EDAR: variants seen among roughly 807,000 people sequenced by gnomAD.
EDAR encodes the protein ectodysplasin A receptor, also known as tumor necrosis factor receptor superfamily member EDAR.
Under a neutral mutation model 51.3 loss-of-function variants are expected in EDAR, and 38 were observed. The observed-to-expected ratio is 0.74, with a 90% confidence interval of 0.57 to 0.97. The LOEUF (loss-of-function observed/expected upper bound fraction) is 0.97, where lower values mean the gene tolerates loss of function less well. EDAR is among the 50% of genes least tolerant of loss of function. EDAR has a pLI of 0.00. For synonymous variants in EDAR, 227 were observed against 242.1 expected (o/e 0.94, Z 0.58); for missense variants, 528 against 595.0 (o/e 0.89, Z 1.17).
At chr2:108,981,220 G>A (rs1169357851) in intron 1 of EDAR, among the ~76,000 whole-genome samples, 3 of 152,178 alleles carry the variant, frequency 2.0e-5, no homozygotes, top group Non-Finnish European at 4.4e-5. Context: ...AGCACGGGAA[G>A]GGGCTGGCTC....
intron 1 of EDAR, among the ~76,000 whole-genome samples, chr2:108,960,183 C>T (rs1040773434): frequency 2.6e-5 from 4 of 152,140 alleles, no homozygotes; most frequent in Non-Finnish European, 5.9e-5. Flanking sequence ...CCTGGGTGTC[C>T]TGGCAACCAC....
rs1574359827 is a variant in EDAR, at chr2:108,894,611, G to A, written c.*2296C>T. Reference sequence around the variant, plus strand: ...TGGGGTGTTTTCTAAATGTTTTAAAGTATTGCAGAATTATGAATATCTCCA... The same window carrying A: ...TGGGGTGTTTTCTAAATGTTTTAAAATATTGCAGAATTATGAATATCTCCA... On this transcript the variant is annotated 3_prime_UTR_variant, in exon 12 of 12. Transcript: ENST00000258443. 1 of 152,556 alleles carries A rather than the reference G, an allele frequency of 6.6e-6. No individual in the cohort carries two copies. Among genetic ancestry groups the A allele is most frequent in the South Asian group, 2.1e-4 (1 of 4,822 alleles). The allele number at this position is 152,556 out of a possible 1,614,324, so 9.5% of individuals were successfully genotyped here. A position where few individuals can be genotyped will look rare whatever the true frequency, so the allele number is the denominator to read the frequency against.
chr2:108,985,599 G>T (rs1574418837), intron 1 of EDAR, among the ~76,000 whole-genome samples: 2 of 152,186 alleles, frequency 1.3e-5, no homozygotes, highest in Non-Finnish European at 2.9e-5. Flanking sequence ...CTGGGCAAGA[G>T]GATCTGGGCA....
At chr2:108,908,123 G>A in intron 9 of EDAR, 104 bp from the exon 10 acceptor site, 1 of 1,315,802 alleles carries the variant, frequency 7.6e-7, no homozygotes, top group Non-Finnish European at 1.0e-6. Flanking sequence ...TGGACAGTGG[G>A]GGGCAATGAC....
intron 11 of EDAR, among the ~76,000 whole-genome samples, chr2:108,905,161 C>T (rs1696777155): frequency 6.6e-6 from 1 of 152,112 alleles, no homozygotes. Flanking sequence ...GGTGTTAAGA[C>T]CTGCAGGTGA....
At chr2:108,954,113 G>A (rs554528250) in intron 1 of EDAR, among the ~76,000 whole-genome samples, 8 of 152,002 alleles carry the variant, frequency 5.3e-5, no homozygotes, top group Middle Eastern at 3.2e-3. Flanking sequence ...GAAAAGTAAC[G>A]CACCTTATCC....
chr2:108,918,252 A>G (rs1697063687), intron 5 of EDAR, among the ~76,000 whole-genome samples: 2 of 152,164 alleles, frequency 1.3e-5, no homozygotes, highest in Non-Finnish European at 2.9e-5. Context: ...CACCCCCTGC[A>G]CCTGCACCCA....
chr2:108,930,702 T>C (rs2105448235), intron 2 of EDAR, among the ~76,000 whole-genome samples: 1 of 152,260 alleles, frequency 6.6e-6, no homozygotes, highest in East Asian at 1.9e-4. Context: ...CACAGGGCTG[T>C]GTGTATCACA....
rs544783644 is a variant in EDAR, at chr2:108,987,410, C to T, written c.-19+1550G>A. Among the ~76,000 whole-genome samples, 22 of 152,262 alleles carry T rather than the reference C, an allele frequency of 1.4e-4. No individual in the cohort carries two copies. In the South Asian group the frequency reaches 2.1e-3, roughly 14 times the overall value. On this transcript the variant is annotated intron_variant, in intron 1 of 11. Transcript: ENST00000258443. The stretch of plus-strand genomic sequence containing the variant: ...GCACTCCGGAGCAATGTTGGGCTGC[C>T]GCCCAATGGCAGGCACTGGGCTAGG...
intron 9 of EDAR, among the ~76,000 whole-genome samples, chr2:108,909,347 A>G (rs897197152): frequency 6.6e-6 from 1 of 151,958 alleles, no homozygotes; most frequent in Non-Finnish European, 1.5e-5. Context: ...ATGCAGGGTG[A>G]CCAGGTCCTG....
intron 9 of EDAR, 101 bp from the exon 10 acceptor site, chr2:108,908,120 T>TG (rs2105394550): frequency 2.3e-6 from 3 of 1,313,862 alleles, no homozygotes; most frequent in South Asian, 3.1e-5. Context: ...CTGTGGACAG[T>TG]GGGGGGCAAT....
chr2:108,930,165 C>T lies in EDAR; in HGVS notation c.129G>A (p.Leu43=), dbSNP rs1294790173. 2.5e-6 allele frequency: 4 copies of T among 1,613,958 alleles called. No individual in the cohort carries two copies. The highest frequency in any genetic ancestry group is 1.3e-5 in the African/African-American group (1 of 74,932). The change falls in exon 3 of 12, where the codon CTG becomes CTA. Residue 43 remains leucine, a synonymous_variant. Transcript: ENST00000258443. The part of the protein sequence containing the change: ...ENEYYNQTTG[L]CQECPPCGPG... ...GCCCACACGGGGGGCACTCCTGGCA[C>T]AGCCCCGTAGTCTGGTTGTAGTACT...
intron 1 of EDAR, among the ~76,000 whole-genome samples, chr2:108,934,890 C>T (rs1374783717): frequency 1.3e-5 from 2 of 152,218 alleles, no homozygotes; most frequent in African/African-American, 4.8e-5. Context: ...GTGGAAATGT[C>T]TCTTCCCACC....
chr2:108,949,268 C>A (rs1326498495), intron 1 of EDAR, among the ~76,000 whole-genome samples: 1 of 152,182 alleles, frequency 6.6e-6, no homozygotes, highest in Non-Finnish European at 1.5e-5. Context: ...AGGTGTGAGC[C>A]ACCAAGCCTG....
intron 4 of EDAR, among the ~76,000 whole-genome samples, chr2:108,927,523 G>T (rs1216614597): frequency 6.6e-6 from 1 of 152,164 alleles, no homozygotes; most frequent in African/African-American, 2.4e-5. Context: ...CTGGCCTTCG[G>T]GTACTGATGG....
chr2:108,930,268 C>T lies in EDAR; in HGVS notation c.52-26G>A, dbSNP rs748439996. ...CTGCCAACAAAGGGGGGTGTTGTGG[C>T]CTCCGTACCTCCTTAGAAACACATG... On this transcript the variant is annotated intron_variant, in intron 2 of 11. Transcript: ENST00000258443. 6 of 1,613,774 alleles carry T rather than the reference C, an allele frequency of 3.7e-6. No homozygotes were observed. In the East Asian group the frequency reaches 1.1e-4, roughly 30 times the overall value.
At chr2:108,952,508 CCTT>C (rs1205063594) in intron 1 of EDAR, among the ~76,000 whole-genome samples, 1 of 152,192 alleles carries the variant, frequency 6.6e-6, no homozygotes, top group Admixed American at 6.5e-5. Context: ...ATTGTAAAGC[CCTT>C]CTGGTGAATT....
intron 1 of EDAR, among the ~76,000 whole-genome samples, chr2:108,977,238 T>C (rs1698338972): frequency 6.6e-6 from 1 of 152,256 alleles, no homozygotes; most frequent in East Asian, 1.9e-4. Flanking sequence ...CCGGGAGATC[T>C]GGTGGCCTCT....
chr2:108,951,051 TG>T (rs1697817495), intron 1 of EDAR, among the ~76,000 whole-genome samples: 1 of 152,250 alleles, frequency 6.6e-6, no homozygotes, highest in Non-Finnish European at 1.5e-5. Context: ...TTGTGAGGCA[TG>T]CCTCTCATAA....
Sources: allele counts gnomAD v4.1 joint callset (sites outside exome capture counted in the v4.1 genomes callset), GRCh38; gene constraint gnomAD v4.1.1; transcripts MANE v1.5; gene names NCBI Gene and HGNC (gene_info 2026-07-23, HGNC 2026-07-21).